The following ARHGAP17 variants were observed in gnomAD, a reference collection of about 807,000 sequenced individuals.
ARHGAP17 encodes the protein Rho GTPase activating protein 17.
A neutral mutation model predicts 99.5 loss-of-function variants in ARHGAP17; 57 were observed. That is an observed-to-expected ratio of 0.57 (90% CI 0.46 to 0.71). ARHGAP17 has a LOEUF of 0.71. Ranked by LOEUF, ARHGAP17 falls within the 30% of genes least tolerant of loss-of-function variation. ARHGAP17 has a pLI of 0.00. For missense variants in ARHGAP17, 1,000 were observed against 1,122.4 expected (o/e 0.89, Z 1.56); for synonymous variants, 417 against 429.6 (o/e 0.97, Z 0.36).
intron 10 of ARHGAP17, 60 bp downstream of exon 10, chr16:24,954,542 TG>T (rs2051747021): frequency 6.4e-7 from 1 of 1,555,058 alleles, no homozygotes; most frequent in Non-Finnish European, 8.7e-7. Context: ...GGGAGCATGG[TG>T]CTCTGGGTAC....
chr16:24,960,553 G>T (rs949444322), intron 7 of ARHGAP17, among the ~76,000 whole-genome samples: 1 of 150,618 alleles, frequency 6.6e-6, no homozygotes, highest in East Asian at 2.0e-4. Flanking sequence ...TCTAAAAAAA[G>T]GCTGGGTGTG....
chr16:24,944,472 G>A (rs2051408937), intron 14 of ARHGAP17, among the ~76,000 whole-genome samples: 1 of 152,120 alleles, frequency 6.6e-6, no homozygotes, highest in African/African-American at 2.4e-5. Context: ...AAACTGGTCT[G>A]TAAAGAGGGT....
intron 18 of ARHGAP17, among the ~76,000 whole-genome samples, chr16:24,932,779 C>T (rs1449881734): frequency 6.6e-6 from 1 of 151,878 alleles, no homozygotes; most frequent in African/African-American, 2.4e-5. Context: ...AACAACAGAT[C>T]TGGGGCTCTG....
chr16:24,932,821 G>A lies in ARHGAP17; in HGVS notation c.1895-1417C>T, dbSNP rs541297449. ...GGCTGGGAGGGGTAGGGGGAAAGGA[G>A]AGATTTTAGCCTTTTTCAAACTCTG... On this transcript the variant is annotated intron_variant, in intron 18 of 19. Transcript: ENST00000289968. 2.1e-4 allele frequency among the ~76,000 whole-genome samples: 32 copies of A among 152,132 alleles called. No individual in the cohort carries two copies. The South Asian group carries it at 5.6e-3, about 27-fold the overall frequency.
Position 24,983,356 on chromosome 16 carries a change from CAGTGGCCTG to C in ARHGAP17, c.54-4360_54-4352del, listed in dbSNP as rs199874500. Among the ~76,000 whole-genome samples, 1,083 of 151,206 alleles carry C rather than the reference CAGTGGCCTG, an allele frequency of 7.2e-3. 17 individuals are homozygous for C. Among genetic ancestry groups the C allele is most frequent in the African/African-American group, 0.025 (1,013 of 41,154 alleles). On this transcript the variant is annotated intron_variant, in intron 1 of 19. Transcript: ENST00000289968. ...TTTGCTCTACCTCCCATGCTGAGTGCAGTGGCCTGATCACAGCTCACAGCAGCCTTGAAC... is the reference window on the plus strand; with the variant it reads ...TTTGCTCTACCTCCCATGCTGAGTGCATCACAGCTCACAGCAGCCTTGAAC...
intron 16 of ARHGAP17, among the ~76,000 whole-genome samples, chr16:24,941,161 G>A (rs1020894581): frequency 1.1e-4 from 17 of 152,140 alleles, no homozygotes; most frequent in Non-Finnish European, 2.2e-4. Flanking sequence ...CAAAGAACAA[G>A]AAACAAACAG....
chr16:24,950,285 C>A (rs1337449078), intron 12 of ARHGAP17, among the ~76,000 whole-genome samples: 4 of 152,140 alleles, frequency 2.6e-5, no homozygotes, highest in African/African-American at 9.7e-5. Context: ...CCTTCTTTTA[C>A]AAGTTTATTT....
intron 14 of ARHGAP17, 81 bp from the exon 15 acceptor site, chr16:24,943,943 T>A: frequency 1.6e-6 from 2 of 1,248,144 alleles, no homozygotes; most frequent in Non-Finnish European, 2.3e-6. Flanking sequence ...GCAATTCAAT[T>A]ATTTTTAAAG....
At chr16:25,012,706 G>T (rs143541155) in intron 1 of ARHGAP17, among the ~76,000 whole-genome samples, 35 of 152,318 alleles carry the variant, frequency 2.3e-4, no homozygotes, top group Middle Eastern at 3.4e-3. Flanking sequence ...TCAACAGCAA[G>T]GAAGCAACAG....
At chr16:24,978,344 T>C (rs574975451) in intron 2 of ARHGAP17, among the ~76,000 whole-genome samples, 1 of 152,298 alleles carries the variant, frequency 6.6e-6, no homozygotes, top group South Asian at 2.1e-4. Flanking sequence ...TAATATTCGT[T>C]GAGAGGGCCC....
At chr16:24,950,550 T>C (rs564345683) in intron 12 of ARHGAP17, among the ~76,000 whole-genome samples, 26 of 152,282 alleles carry the variant, frequency 1.7e-4, no homozygotes, top group Non-Finnish European at 3.4e-4. Context: ...AAAGCTCAAA[T>C]GCGGCTGAGC....
chr16:24,989,452 A>G (rs1163276749), intron 1 of ARHGAP17, among the ~76,000 whole-genome samples: 2 of 152,322 alleles, frequency 1.3e-5, no homozygotes, highest in Admixed American at 6.5e-5. Context: ...AAGATCTAGG[A>G]GGTAACAGTG....
intron 19 of ARHGAP17, among the ~76,000 whole-genome samples, chr16:24,921,407 G>T (rs1238222726): frequency 5.9e-5 from 9 of 152,172 alleles, no homozygotes. Flanking sequence ...TGGTTTGTGG[G>T]GGCGTTTCAC....
chr16:25,015,126 CGCGGAGGA>C, intron 1 of ARHGAP17, 75 bp downstream of exon 1: 1 of 1,173,884 alleles, frequency 8.5e-7, no homozygotes, highest in Non-Finnish European at 1.1e-6. Flanking sequence ...GCCGCCGGAC[CGCGGAGGA>C]GCCGTCCCGC....
chr16:25,001,857 G>A (rs1161965437), intron 1 of ARHGAP17, among the ~76,000 whole-genome samples: 1 of 152,156 alleles, frequency 6.6e-6, no homozygotes, highest in African/African-American at 2.4e-5. Context: ...ACCAAGGTAG[G>A]AGGATCACCT....
At chr16:25,008,716 C>T (rs990497401) in intron 1 of ARHGAP17, among the ~76,000 whole-genome samples, 6 of 152,196 alleles carry the variant, frequency 3.9e-5, no homozygotes, top group Admixed American at 2.0e-4. Context: ...AAAGGCAATT[C>T]CATAATAGCG....
intron 2 of ARHGAP17, 31 bp from the exon 3 acceptor site, chr16:24,977,350 T>TC: frequency 6.5e-7 from 1 of 1,533,668 alleles, no homozygotes; most frequent in South Asian, 1.2e-5. Flanking sequence ...GAGAACAAAT[T>TC]CATCCTCTTT....
chr16:24,948,686 C>A (rs916431554), intron 13 of ARHGAP17, among the ~76,000 whole-genome samples: 6 of 151,782 alleles, frequency 4.0e-5, no homozygotes, highest in African/African-American at 1.2e-4. Context: ...GAGCCCAAGG[C>A]GGAATTTAAG....
Position 24,959,728 on chromosome 16 carries a change from G to A in ARHGAP17, c.667C>T (p.His223Tyr), listed in dbSNP as rs2051925420. The A allele has an allele frequency of 1.2e-6, 2 of 1,613,898 alleles. No individual in the cohort carries two copies. The highest frequency in any genetic ancestry group is 2.7e-5 in the African/African-American group (2 of 74,854). Residue 223 changes from histidine to tyrosine, a missense_variant, in exon 9 of 20, where the codon CAT becomes TAT. Coordinates refer to ENST00000289968, the MANE Select transcript of ARHGAP17 (RefSeq NM_001006634.3). ...TCTAAGACTGCTAATGCTTTTCTAT[G>A]GTAATCTGCTTGGGCTTCTAATAAC... ...VTLLEAQADYHRKALAVLEKT... is the reference protein window; with the variant it reads ...VTLLEAQADYYRKALAVLEKT...
Sources: allele counts gnomAD v4.1 joint callset (sites outside exome capture counted in the v4.1 genomes callset), GRCh38; gene constraint gnomAD v4.1.1; transcripts MANE v1.5; gene names NCBI Gene and HGNC (gene_info 2026-07-23, HGNC 2026-07-21).